CLN8: variants seen among roughly 807,000 people sequenced by gnomAD.
The protein encoded by CLN8 is protein CLN8.
CLN8 carries 14 observed loss-of-function variants against 15.7 expected under a neutral mutation model. The ratio of observed to expected loss-of-function variants is 0.89; its 90% confidence interval spans 0.59 to 1.39. CLN8 has a LOEUF of 1.39. CLN8 is among the 40% of genes most tolerant of loss of function. CLN8 has a pLI of 0.00. For synonymous variants in CLN8, 188 were observed against 151.0 expected, an observed-to-expected ratio of 1.25 and a Z score of -1.80; for missense variants, 415 against 364.0, an observed-to-expected ratio of 1.14 and a Z score of -1.14.
At chr8:1,754,030 A>C (rs547123938), upstream of CLN8, among the ~76,000 whole-genome samples, 41 of 152,338 alleles carry the variant, frequency 2.7e-4, no homozygotes, top group African/African-American at 9.6e-4. Context: ...ATTGTCCAAG[A>C]CACACAGGCC....
upstream of CLN8, chr8:1,762,741 A>G (rs1216395709): frequency 2.6e-5 from 4 of 152,246 alleles, no homozygotes; most frequent in African/African-American, 9.6e-5. Flanking sequence ...TTCATAGTAC[A>G]GGAAAGGAAA....
intron 1 of CLN8, among the ~76,000 whole-genome samples, chr8:1,757,467 G>A (rs1048042002): frequency 2.1e-4 from 32 of 152,166 alleles, no homozygotes; most frequent in African/African-American, 7.5e-4. Context: ...TTGAGATGGA[G>A]TCTTGCTCTG....
rs1801756052 is a variant in CLN8 at position 1,783,425 on chromosome 8, T to C, written c.*2858T>C. ...AGGTGACCCGGATAGAAAATGGCCC[T>C]GCGTTTAGCCAGGATGTGGCTCTCC... On this transcript the variant is annotated 3_prime_UTR_variant, in exon 3 of 3. Coordinates refer to ENST00000331222, the MANE Select transcript of CLN8 (RefSeq NM_018941.4). The C allele has an allele frequency of 6.6e-6, 1 of 152,280 alleles. No homozygotes were observed. The highest frequency in any genetic ancestry group is 1.5e-5 in the Non-Finnish European group (1 of 68,046). The allele number at this position is 152,280 out of a possible 1,614,324, so 9.4% of individuals were successfully genotyped here. A position where few individuals can be genotyped will look rare whatever the true frequency, so the allele number is the denominator to read the frequency against.
intron 1 of CLN8, among the ~76,000 whole-genome samples, chr8:1,770,252 C>T (rs985736462): frequency 6.6e-6 from 1 of 152,106 alleles, no homozygotes; most frequent in South Asian, 2.1e-4. Context: ...AAAGACTTTT[C>T]CAGGAGAGGG....
At chr8:1,756,316 T>C (rs1022300287) in intron 1 of CLN8, among the ~76,000 whole-genome samples, 2 of 151,910 alleles carry the variant, frequency 1.3e-5, no homozygotes, top group Admixed American at 1.3e-4. Context: ...ACCCCGTCTG[T>C]ACTAAAAAAA....
At chr8:1,770,794 A>G (rs1801266831) in intron 1 of CLN8, 138 bp from the exon 2 acceptor site, 2 of 572,924 alleles carry the variant, frequency 3.5e-6, no homozygotes, top group Non-Finnish European at 6.2e-6. Context: ...TTACCTTGGT[A>G]TGTTTATGCA....
intron 2 of CLN8, among the ~76,000 whole-genome samples, chr8:1,771,939 A>ATTTATTTG (rs1801324055): frequency 6.6e-6 from 1 of 150,636 alleles, no homozygotes; most frequent in South Asian, 2.1e-4. Context: ...ATATTTATTT[A>ATTTATTTG]TTTATTTATT....
chr8:1,756,109 C>CAAA (rs1800663488), intron 1 of CLN8: 1 of 152,204 alleles, frequency 6.6e-6, no homozygotes, highest in African/African-American at 2.4e-5. Flanking sequence ...TGGTGTTTAA[C>CAAA]AAATACACCA....
intron 1 of CLN8, chr8:1,758,212 T>TG (rs1800716185): frequency 1.3e-5 from 2 of 152,208 alleles, no homozygotes; most frequent in East Asian, 3.8e-4. Flanking sequence ...AGAAAGACAG[T>TG]TTTCTATAAT....
chr8:1,776,004 C>T (rs1332894575), intron 2 of CLN8, among the ~76,000 whole-genome samples: 1 of 151,830 alleles, frequency 6.6e-6, no homozygotes, highest in African/African-American at 2.4e-5. Context: ...GAGGGGCACA[C>T]GTGTGTGGTG....
chr8:1,768,172 G>T (rs1021375408), intron 1 of CLN8, among the ~76,000 whole-genome samples: 3 of 151,644 alleles, frequency 2.0e-5, no homozygotes, highest in Non-Finnish European at 4.4e-5. Context: ...TTGAACTCCT[G>T]ACCTCAAGTG....
upstream of CLN8, among the ~76,000 whole-genome samples, chr8:1,754,694 G>T (rs1012912655): frequency 6.6e-6 from 1 of 152,220 alleles, no homozygotes; most frequent in Non-Finnish European, 1.5e-5. Flanking sequence ...GAGGGAACTT[G>T]GTGGAAGGCT....
intron 2 of CLN8, 60 bp from the exon 3 acceptor site, chr8:1,780,190 G>A (rs1425025136): frequency 3.1e-6 from 5 of 1,613,218 alleles, no homozygotes; most frequent in Non-Finnish European, 4.2e-6. Context: ...TTTTTGTGAT[G>A]TGAAGAATGA....
At chr8:1,756,300 A>T (rs1368816676) in intron 1 of CLN8, among the ~76,000 whole-genome samples, 6 of 151,996 alleles carry the variant, frequency 3.9e-5, no homozygotes, top group Non-Finnish European at 8.8e-5. Flanking sequence ...TGGCCAACAT[A>T]GTAAAACCCC....
In CLN8 at chr8:1,780,745, G is replaced by T. The variant is rs2129015421; in HGVS notation, c.*178G>T. The T allele has an allele frequency of 1.5e-6, 1 of 661,774 alleles. No individual in the cohort carries two copies. The highest frequency in any genetic ancestry group is 2.7e-5 in the East Asian group (1 of 36,612). The allele number at this position is 661,774 out of a possible 1,614,324, so 41.0% of individuals were successfully genotyped here. On this transcript the variant is annotated 3_prime_UTR_variant, in exon 3 of 3. Transcript: ENST00000331222. ...TGAAGTAGCTACAAAGTATTTTTAA[G>T]AAATTATAATTTTATGACTGTCTGG...
chr8:1,779,147 G>T (rs981857014), intron 2 of CLN8, among the ~76,000 whole-genome samples: 3 of 152,214 alleles, frequency 2.0e-5, no homozygotes, highest in Non-Finnish European at 4.4e-5. Flanking sequence ...TCAAACAATT[G>T]TAAGTCAAAC....
Position 1,780,502 on chromosome 8 carries a change from G to C in CLN8, c.796G>C (p.Ala266Pro). 1 of 1,614,174 alleles carries C rather than the reference G, an allele frequency of 6.2e-7. No individual in the cohort carries two copies. The highest frequency in any genetic ancestry group is 8.5e-7 in the Non-Finnish European group (1 of 1,180,046). Reference sequence around the variant, plus strand: ...TCTCAATCCGGTGGACTGGAACTTCGCACAGCCAGAAGCCAAGAGCAGGCC... The same window carrying C: ...TCTCAATCCGGTGGACTGGAACTTCCCACAGCCAGAAGCCAAGAGCAGGCC... The part of the protein sequence containing the change: ...QLLNPVDWNF[A>P]QPEAKSRPEG... The change falls in exon 3 of 3, where the codon GCA (alanine) becomes CCA (proline). Residue 266 changes from alanine to proline, a missense_variant. Coordinates refer to ENST00000331222, the MANE Select transcript of CLN8 (RefSeq NM_018941.4).
At chr8:1,757,379 G>A (rs1020229726) in intron 1 of CLN8, among the ~76,000 whole-genome samples, 1 of 152,174 alleles carries the variant, frequency 6.6e-6, no homozygotes. Flanking sequence ...TGCTATGGTG[G>A]CCCCACAGTA....
At chr8:1,754,588 G>A (rs867784498), upstream of CLN8, among the ~76,000 whole-genome samples, 1 of 152,216 alleles carries the variant, frequency 6.6e-6, no homozygotes, top group Non-Finnish European at 1.5e-5. Context: ...GAGTATAGCA[G>A]TGATATACTT....
Sources: gnomAD v4.1 joint callset for allele counts (sites outside exome capture counted in the v4.1 genomes callset) on GRCh38, gnomAD v4.1.1 for gene constraint, MANE v1.5 for transcripts, NCBI Gene and HGNC (gene_info 2026-07-23, HGNC 2026-07-21) for gene names.